Variants in SLC6A5 observed in about 807,000 individuals in gnomAD.
SLC6A5 encodes sodium- and chloride-dependent glycine transporter 2.
SLC6A5 carries 58 observed loss-of-function variants against 90.5 expected under a neutral mutation model. That is an observed-to-expected ratio of 0.64 (90% CI 0.52 to 0.80). SLC6A5 has a LOEUF of 0.80. Among genes scored for constraint, SLC6A5 ranks in the 30% least tolerant of loss-of-function variants. SLC6A5 has a pLI of 0.00. For missense variants in SLC6A5, 1,015 were observed against 1,017.6 expected, an observed-to-expected ratio of 1.00 and a Z score of 0.03; for synonymous variants, 427 against 401.4, an observed-to-expected ratio of 1.06 and a Z score of -0.76.
At chr11:20,653,654 C>G (rs1171827456) in intron 15 of SLC6A5, among the ~76,000 whole-genome samples, 1 of 152,186 alleles carries the variant, frequency 6.6e-6, no homozygotes, top group East Asian at 1.9e-4. Flanking sequence ...AATCTTTTTA[C>G]TGCAGCTGTA....
intron 13 of SLC6A5, 52 bp downstream of exon 13, chr11:20,638,610 G>T (rs769694830): frequency 9.8e-7 from 1 of 1,020,714 alleles, no homozygotes; most frequent in South Asian, 1.3e-5. Flanking sequence ...TGTCGGTAAG[G>T]CATTCATGGC....
At chr11:20,604,188 G>A in intron 2 of SLC6A5, 98 bp from the exon 3 acceptor site, 1 of 1,461,670 alleles carries the variant, frequency 6.8e-7, no homozygotes, top group African/African-American at 1.4e-5. Context: ...GTGGGAGCCT[G>A]CTTGCTGGGA....
rs1590171374 is a variant in SLC6A5, at chr11:20,630,790, C to T, written c.1599C>T (p.Val533=). 3.1e-6 allele frequency: 5 copies of T among 1,614,194 alleles called. No homozygotes were observed. The East Asian group carries it at 8.9e-5, about 29-fold the overall frequency. ...VIGFMANERK[V]NIENVADQGP... ...GCTTCATGGCCAATGAACGCAAAGT[C>T]AACATTGAGAATGTGGCAGACCAAG... is the stretch of plus-strand genomic sequence containing the variant. Residue 533 remains valine, a synonymous_variant, in exon 10 of 16, where the codon GTC becomes GTT. Transcript: ENST00000525748.
intron 13 of SLC6A5, among the ~76,000 whole-genome samples, chr11:20,643,969 C>T (rs528296010): frequency 1.4e-4 from 21 of 152,136 alleles, no homozygotes; most frequent in African/African-American, 4.3e-4. Flanking sequence ...TTTTGATAGT[C>T]GTGTCTGGAG....
intron 6 of SLC6A5, among the ~76,000 whole-genome samples, chr11:20,615,685 G>A (rs993404205): frequency 3.0e-4 from 46 of 152,288 alleles, no homozygotes; most frequent in African/African-American, 9.6e-4. Flanking sequence ...ATGTCTTAAG[G>A]GAGATAAATG....
At chr11:20,600,517 C>T (rs1852449917) in intron 1 of SLC6A5, among the ~76,000 whole-genome samples, 1 of 152,136 alleles carries the variant, frequency 6.6e-6, no homozygotes, top group Non-Finnish European at 1.5e-5. Flanking sequence ...TACTCTGTGT[C>T]TTAAATTTAG....
At chr11:20,617,729 C>A (rs755325395) in intron 6 of SLC6A5, 23 bp from the exon 7 acceptor site, 1 of 1,610,520 alleles carries the variant, frequency 6.2e-7, no homozygotes, top group South Asian at 1.1e-5. Flanking sequence ...ATCACTCCCC[C>A]CATCCCTCCC....
At chr11:20,629,754 G>A (rs1226116460) in intron 9 of SLC6A5, among the ~76,000 whole-genome samples, 1 of 149,022 alleles carries the variant, frequency 6.7e-6, no homozygotes, top group Admixed American at 6.6e-5. Flanking sequence ...TTTTGAGATG[G>A]AGTTTCGCTC....
At chr11:20,642,930 C>T (rs748772454) in intron 13 of SLC6A5, among the ~76,000 whole-genome samples, 1 of 152,252 alleles carries the variant, frequency 6.6e-6, no homozygotes, top group Non-Finnish European at 1.5e-5. Context: ...GGTCCCAGGA[C>T]TGCTCCTCTT....
chr11:20,637,078 T>TA (rs1853221863), intron 11 of SLC6A5, 94 bp from the exon 12 acceptor site: 1 of 1,355,298 alleles, frequency 7.4e-7, no homozygotes, highest in African/African-American at 1.4e-5. Flanking sequence ...CTAACACAAA[T>TA]ACAACTTTCC....
intron 13 of SLC6A5, among the ~76,000 whole-genome samples, chr11:20,640,314 A>T (rs1225718782): frequency 6.6e-6 from 1 of 152,218 alleles, no homozygotes; most frequent in Non-Finnish European, 1.5e-5. Context: ...TTCCCTATAA[A>T]ACAGGGCTGT....
Position 20,657,830 on chromosome 11 carries a change from G to T in SLC6A5, c.*2962G>T, listed in dbSNP as rs993564326. 5.3e-5 allele frequency: 8 copies of T among 152,186 alleles called. No individual in the cohort carries two copies. The highest frequency in any genetic ancestry group is 1.9e-4 in the African/African-American group (8 of 41,444). 9.4% of individuals were successfully genotyped at this position (152,186 alleles called of 1,614,324 possible). On this transcript the variant is annotated 3_prime_UTR_variant, in exon 16 of 16. Transcript: ENST00000525748. ...TATATTTCTTAACAAGTGGTGTTGT[G>T]ACTTCTTATGCAAATGTCTTGCATA...
At chr11:20,620,386 A>T (rs1214430264) in intron 7 of SLC6A5, among the ~76,000 whole-genome samples, 3 of 152,240 alleles carry the variant, frequency 2.0e-5, no homozygotes, top group Non-Finnish European at 2.9e-5. Context: ...CTCATCTGTA[A>T]ATAGGGGATA....
intron 7 of SLC6A5, among the ~76,000 whole-genome samples, chr11:20,618,820 C>T (rs1008725745): frequency 2.0e-5 from 3 of 151,958 alleles, no homozygotes; most frequent in African/African-American, 4.8e-5. Context: ...ACCTGTAGTC[C>T]CTGCTACTTG....
At chr11:20,624,617 C>T (rs1852956546) in intron 7 of SLC6A5, among the ~76,000 whole-genome samples, 1 of 152,128 alleles carries the variant, frequency 6.6e-6, no homozygotes, top group Admixed American at 6.5e-5. Flanking sequence ...GCCCTGTGTC[C>T]CTCTCATGGG....
At chr11:20,637,356 C>T in intron 12 of SLC6A5, 53 bp downstream of exon 12, 1 of 1,506,316 alleles carries the variant, frequency 6.6e-7, no homozygotes. Flanking sequence ...GGTGGGGGGC[C>T]AATAGCTATC....
Position 20,654,703 on chromosome 11 carries a change from T to G in SLC6A5, c.2239-10T>G, listed in dbSNP as rs1269278765. ...TTCTGTGACCATGTCTGTCTTTGGC[T>G]TCTTTGCAGAGGCTGAAGTTGGTGT... is the stretch of plus-strand genomic sequence containing the variant. On this transcript the variant is annotated splice_polypyrimidine_tract_variant and intron_variant, in intron 15 of 15. Transcript: ENST00000525748. 2 of 1,614,162 alleles carry G rather than the reference T, an allele frequency of 1.2e-6. No homozygotes were observed. The highest frequency in any genetic ancestry group is 2.2e-5 in the South Asian group (2 of 91,086).
intron 3 of SLC6A5, 112 bp downstream of exon 3, chr11:20,604,536 T>C: frequency 2.3e-6 from 3 of 1,320,746 alleles, no homozygotes; most frequent in Non-Finnish European, 3.2e-6. Flanking sequence ...CAGGACAGCC[T>C]CCTTAGGCTC....
intron 14 of SLC6A5, among the ~76,000 whole-genome samples, chr11:20,650,955 C>T (rs947210560): frequency 2.6e-5 from 4 of 152,004 alleles, no homozygotes; most frequent in South Asian, 2.1e-4. Flanking sequence ...CGTGAGCCAC[C>T]GCGCCCGGCC....
Sources: gnomAD v4.1 joint callset for allele counts (sites outside exome capture counted in the v4.1 genomes callset) on GRCh38, gnomAD v4.1.1 for gene constraint, MANE v1.5 for transcripts, NCBI Gene and HGNC (gene_info 2026-07-23, HGNC 2026-07-21) for gene names.